Variants in FREM1 observed in about 807,000 individuals in gnomAD.
FREM1 encodes FRAS1-related extracellular matrix protein 1.
A neutral mutation model predicts 210.1 loss-of-function variants in FREM1; 220 were observed. The observed-to-expected ratio is 1.05, with a 90% CI of 0.94 to 1.17. The LOEUF (loss-of-function observed/expected upper bound fraction) is 1.17, where lower values mean the gene tolerates loss of function less well. Among genes scored for constraint, FREM1 ranks in the 50% most tolerant of loss-of-function variants. FREM1 has a pLI of 0.00. For missense variants in FREM1, 3,454 were observed against 2,675.5 expected (o/e 1.29, Z -6.42); for synonymous variants, 1,189 against 980.2 (o/e 1.21, Z -3.98).
chr9:14,832,873 T>C (rs892012831), intron 10 of FREM1, among the ~76,000 whole-genome samples: 14 of 152,296 alleles, frequency 9.2e-5, no homozygotes, highest in Non-Finnish European at 2.1e-4. Context: ...TTGTATGCTT[T>C]GCGTGTCTTT....
chr9:14,792,344 C>T (rs1851574849), intron 22 of FREM1, among the ~76,000 whole-genome samples: 1 of 149,612 alleles, frequency 6.7e-6, no homozygotes, highest in Non-Finnish European at 1.5e-5. Context: ...AGACTGTAGA[C>T]TTGAAGGAGT....
intron 1 of FREM1, among the ~76,000 whole-genome samples, chr9:14,904,694 G>C (rs1287155089): frequency 6.6e-6 from 1 of 152,182 alleles, no homozygotes; most frequent in African/African-American, 2.4e-5. Context: ...TACAGACACA[G>C]AACAGGGTTG....
intron 20 of FREM1, among the ~76,000 whole-genome samples, chr9:14,800,540 T>C (rs919106960): frequency 2.1e-4 from 32 of 152,232 alleles, no homozygotes; most frequent in Admixed American, 2.0e-3. Flanking sequence ...CATTATTATA[T>C]GTGGTTCTAT....
intron 1 of FREM1, among the ~76,000 whole-genome samples, chr9:14,909,374 G>A (rs1348658407): frequency 6.6e-6 from 1 of 151,966 alleles, no homozygotes; most frequent in Non-Finnish European, 1.5e-5. Context: ...AAAAACTTCA[G>A]AACAAGGCCA....
intron 3 of FREM1, among the ~76,000 whole-genome samples, chr9:14,861,503 C>CTTTT (rs775845478): frequency 6.1e-5 from 7 of 114,894 alleles, no homozygotes; most frequent in Non-Finnish European, 6.9e-5. Context: ...AGCATTTATC[C>CTTTT]TTTTTTTTTT....
intron 19 of FREM1, among the ~76,000 whole-genome samples, chr9:14,803,047 TC>T: frequency 7.1e-6 from 1 of 140,608 alleles, no homozygotes; most frequent in Non-Finnish European, 1.5e-5. Context: ...TTTTCTTCTT[TC>T]TCTTTCTTTT....
In FREM1 at chr9:14,758,890, A is replaced by G. The variant is rs144870120; in HGVS notation, c.5334+882T>C. Among the ~76,000 whole-genome samples, 452 of 152,338 alleles carry G rather than the reference A, an allele frequency of 3.0e-3. 5 individuals are homozygous for G. The highest frequency in any genetic ancestry group is 0.01 in the African/African-American group (429 of 41,586). On this transcript the variant is annotated intron_variant, in intron 28 of 36. Transcript: ENST00000380880. ...AGAAGTGGTTAACTGAAAATTCTTCATATTTCAGGGTGCCTGTATTAGTAT... is the reference window on the plus strand; with the variant it reads ...AGAAGTGGTTAACTGAAAATTCTTCGTATTTCAGGGTGCCTGTATTAGTAT...
At chr9:14,860,836 T>C (rs1398050372) in intron 3 of FREM1, among the ~76,000 whole-genome samples, 9 of 113,372 alleles carry the variant, frequency 7.9e-5, no homozygotes, top group Middle Eastern at 0.011. Flanking sequence ...CATATATACG[T>C]ATATATACAT....
intron 21 of FREM1, among the ~76,000 whole-genome samples, chr9:14,796,619 G>C (rs955174295): frequency 2.0e-5 from 3 of 152,174 alleles, no homozygotes; most frequent in Non-Finnish European, 4.4e-5. Flanking sequence ...AGAGATAATT[G>C]AATCGTGGGG....
Position 14,792,816 on chromosome 9 carries a change from T to C in FREM1, c.3908A>G (p.Asp1303Gly), listed in dbSNP as rs558652178. The C allele has an allele frequency of 1.6e-5, 26 of 1,605,488 alleles. No individual in the cohort carries two copies. The highest frequency in any genetic ancestry group is 2.2e-5 in the East Asian group (1 of 44,782). Residue 1303 changes from aspartate (D) to glycine (G), a missense_variant, in exon 22 of 37, where the codon GAT becomes GGT. Coordinates refer to ENST00000380880, the MANE Select transcript of FREM1 (RefSeq NM_001379081.2). Reference protein sequence around the residue: ...IISSAILSAIDEDSPREKIYY... With the variant: ...IISSAILSAIGEDSPREKIYY... ...AATCTTCTCCCTGGGTGAGTCTTCA[T>C]CTATGGCTGAAAGAATAGCACTGGA...
At chr9:14,763,249 C>A (rs1277195365) in intron 27 of FREM1, among the ~76,000 whole-genome samples, 2 of 152,216 alleles carry the variant, frequency 1.3e-5, no homozygotes, top group African/African-American at 2.4e-5. Flanking sequence ...TTAGCAGCAC[C>A]TCTGTCCTCC....
At chr9:14,773,338 A>G (rs970029410) in intron 25 of FREM1, among the ~76,000 whole-genome samples, 1 of 152,186 alleles carries the variant, frequency 6.6e-6, no homozygotes, top group South Asian at 2.1e-4. Context: ...TTTGCCCTCA[A>G]TTACTCAGGT....
At chr9:14,755,911 C>T (rs1844256577) in intron 29 of FREM1, among the ~76,000 whole-genome samples, 1 of 152,186 alleles carries the variant, frequency 6.6e-6, no homozygotes, top group East Asian at 1.9e-4. Context: ...GTAAGTGCTA[C>T]TTAACTAAAT....
At chr9:14,866,294 C>G (rs1037551117) in intron 2 of FREM1, among the ~76,000 whole-genome samples, 1 of 152,172 alleles carries the variant, frequency 6.6e-6, no homozygotes, top group Admixed American at 6.5e-5. Context: ...ATGTTTTTTA[C>G]CTAGTTCTAG....
chr9:14,881,699 C>G (rs1317027907), intron 1 of FREM1, among the ~76,000 whole-genome samples: 1 of 152,200 alleles, frequency 6.6e-6, no homozygotes, highest in African/African-American at 2.4e-5. Context: ...TCCAACCTCA[C>G]CTTCCTCCAT....
intron 10 of FREM1, among the ~76,000 whole-genome samples, chr9:14,838,648 A>C (rs1056423961): frequency 2.6e-5 from 4 of 152,182 alleles, no homozygotes; most frequent in African/African-American, 9.6e-5. Context: ...TCCTAGTTTC[A>C]GTAAATGTTG....
chr9:14,846,862 G>C (rs183462091), intron 7 of FREM1, among the ~76,000 whole-genome samples: 7 of 152,154 alleles, frequency 4.6e-5, no homozygotes, highest in African/African-American at 1.7e-4. Flanking sequence ...TTCTCTAGCT[G>C]CAGCCGCCCC....
At chr9:14,882,031 C>G (rs904044295) in intron 1 of FREM1, among the ~76,000 whole-genome samples, 1 of 152,146 alleles carries the variant, frequency 6.6e-6, no homozygotes, top group Non-Finnish European at 1.5e-5. Context: ...AAAGCAGAAC[C>G]ACCATACCAG....
intron 29 of FREM1, among the ~76,000 whole-genome samples, chr9:14,755,092 G>A (rs183033277): frequency 2.2e-4 from 34 of 152,262 alleles, no homozygotes; most frequent in African/African-American, 5.1e-4. Context: ...GCATGGAATC[G>A]ATTCAGAAGT....
Sources: allele counts gnomAD v4.1 joint callset (sites outside exome capture counted in the v4.1 genomes callset), GRCh38; gene constraint gnomAD v4.1.1; transcripts MANE v1.5; gene names NCBI Gene and HGNC (gene_info 2026-07-23, HGNC 2026-07-21).